The following ATP5F1C variants were observed in gnomAD, a reference collection of about 807,000 sequenced individuals.
The protein encoded by ATP5F1C is ATP synthase F(1) complex subunit gamma, mitochondrial.
ATP5F1C carries 22 observed loss-of-function variants against 37.4 expected under a neutral mutation model. The observed-to-expected ratio is 0.59, with a 90% confidence interval of 0.42 to 0.84. ATP5F1C has a LOEUF of 0.84. Ranked by LOEUF, ATP5F1C falls within the 40% of genes least tolerant of loss-of-function variation. The pLI is 0.00. For missense variants in ATP5F1C, 286 were observed against 362.4 expected (o/e 0.79, Z 1.71); for synonymous variants, 121 against 128.0 (o/e 0.95, Z 0.37).
Position 7,807,757 on chromosome 10 carries a change from C to A in ATP5F1C, c.*129C>A. 1.5e-6 allele frequency: 2 copies of A among 1,327,238 alleles called. No individual in the cohort carries two copies. Among genetic ancestry groups the A allele is most frequent in the Non-Finnish European group, 1.0e-6 (1 of 962,038 alleles). 82.2% of individuals were successfully genotyped at this position (1,327,238 alleles called of 1,614,324 possible). A position where few individuals can be genotyped will look rare whatever the true frequency, so the allele number is the denominator to read the frequency against. On this transcript the variant is annotated 3_prime_UTR_variant, in exon 10 of 10. Transcript: ENST00000356708. ...CCATTATTTGAATTACTGAAGACAGCAAGATATTTGTAAATTATCTTAAAA... is the reference window on the plus strand; with the variant it reads ...CCATTATTTGAATTACTGAAGACAGAAAGATATTTGTAAATTATCTTAAAA...
rs1165401878 is a variant in ATP5F1C at position 7,797,147 on chromosome 10, A to T, written c.192A>T (p.Lys64Asn). 2 of 1,614,152 alleles carry T rather than the reference A, an allele frequency of 1.2e-6. No individual in the cohort carries two copies. The highest frequency in any genetic ancestry group is 2.2e-5 in the South Asian group (2 of 91,080). The change falls in exon 3 of 10, where the codon AAA (lysine) becomes AAT (asparagine). Residue 64 changes from lysine to asparagine, a missense_variant. Lys to Asn is a moderately conservative substitution (Grantham distance 94). Coordinates refer to ENST00000356708, the MANE Select transcript of ATP5F1C (RefSeq NM_001001973.3). ...ATGCCCGAGCTGAGAGAGAGCTGAA[A>T]CCAGCTCGAATATATGGATTGGGAT... ...AKYARAEREL[K>N]PARIYGLGSL...
intron 4 of ATP5F1C, 94 bp downstream of exon 4, chr10:7,799,288 A>C (rs1836305172): frequency 8.5e-7 from 1 of 1,178,040 alleles, no homozygotes; most frequent in Admixed American, 2.0e-5. Flanking sequence ...ACCTTCATCA[A>C]TAACAAGGTA....
Position 7,802,785 on chromosome 10 carries a change from C to T in ATP5F1C, c.821C>T (p.Thr274Ile). The T allele has an allele frequency of 6.2e-7, 1 of 1,613,902 alleles. No homozygotes were observed. The highest frequency in any genetic ancestry group is 8.5e-7 in the Non-Finnish European group (1 of 1,179,942). The stretch of plus-strand genomic sequence containing the variant: ...GAGATGATTGACAAATTGACATTGA[C>T]ATTCAACCGTACCCGCCAAGCTGTC... The part of the protein sequence containing the change: ...ASEMIDKLTL[T>I]FNRTRQAVIT... Residue 274 changes from threonine to isoleucine, a missense_variant, in exon 8 of 10, where the codon ACA (threonine) becomes ATA (isoleucine). Coordinates refer to ENST00000356708, the MANE Select transcript of ATP5F1C (RefSeq NM_001001973.3).
rs189875820 is a variant in ATP5F1C, at chr10:7,795,897, T to C, written c.57-224T>C. ...AGCATGTTGACTTCTGGGAAGGTGG[T>C]GGTACAGACAGGCCAAATAAAAGGA... On this transcript the variant is annotated intron_variant, in intron 1 of 9. Transcript: ENST00000356708. Among the ~76,000 whole-genome samples, 596 of 152,272 alleles carry C rather than the reference T, an allele frequency of 3.9e-3. 8 individuals carry two copies. Among genetic ancestry groups the C allele is most frequent in the African/African-American group, 0.014 (577 of 41,564 alleles).
intron 1 of ATP5F1C, among the ~76,000 whole-genome samples, chr10:7,795,856 A>G (rs1836229042): frequency 1.3e-5 from 2 of 152,290 alleles, no homozygotes; most frequent in South Asian, 2.1e-4. Flanking sequence ...GGACTAGAGC[A>G]TGTGTGAGTC....
chr10:7,789,929 C>A (rs1219393359), intron 1 of ATP5F1C, among the ~76,000 whole-genome samples: 1 of 152,186 alleles, frequency 6.6e-6, no homozygotes. Flanking sequence ...TAAATCGGAA[C>A]CACAATCAGC....
chr10:7,794,612 G>A (rs1836210514), intron 1 of ATP5F1C, among the ~76,000 whole-genome samples: 1 of 151,486 alleles, frequency 6.6e-6, no homozygotes, highest in South Asian at 2.1e-4. Flanking sequence ...CCTATTGATT[G>A]TATGATTTTT....
At chr10:7,800,233 C>T in intron 6 of ATP5F1C, 142 bp downstream of exon 6, 1 of 890,984 alleles carries the variant, frequency 1.1e-6, no homozygotes, top group East Asian at 2.6e-5. Context: ...AATCTTGCTG[C>T]CTCCCAGGCT....
At chr10:7,802,707 A>T in intron 7 of ATP5F1C, 51 bp from the exon 8 acceptor site, 1 of 1,554,602 alleles carries the variant, frequency 6.4e-7, no homozygotes, top group Non-Finnish European at 8.8e-7. Flanking sequence ...TTAACAAGTT[A>T]TTCTACTCTA....
intron 9 of ATP5F1C, among the ~76,000 whole-genome samples, chr10:7,807,249 A>T (rs1049625265): frequency 2.6e-5 from 4 of 152,168 alleles, no homozygotes; most frequent in African/African-American, 9.7e-5. Context: ...GAGAATTAAC[A>T]TTATTTTGAG....
chr10:7,797,332 TAAC>T (rs1460452423), intron 3 of ATP5F1C, among the ~76,000 whole-genome samples, 154 bp downstream of exon 3: 1 of 152,226 alleles, frequency 6.6e-6, no homozygotes, highest in Non-Finnish European at 1.5e-5. Flanking sequence ...CACGTAATGA[TAAC>T]AACCCGTGTA....
At chr10:7,802,889 T>C (rs1278650219) in intron 8 of ATP5F1C, 35 bp downstream of exon 8, 1 of 1,580,912 alleles carries the variant, frequency 6.3e-7, no homozygotes, top group Non-Finnish European at 8.6e-7. Context: ...TCAGAGAATT[T>C]TTTTTCCTCT....
intron 8 of ATP5F1C, chr10:7,804,104 A>G: frequency 1.9e-6 from 1 of 519,046 alleles, no homozygotes; most frequent in Non-Finnish European, 3.8e-6. Context: ...AGAGGTTGCT[A>G]AACTGTGGCC....
At chr10:7,789,938 G>A (rs1483462999) in intron 1 of ATP5F1C, among the ~76,000 whole-genome samples, 3 of 152,200 alleles carry the variant, frequency 2.0e-5, no homozygotes, top group Non-Finnish European at 4.4e-5. Flanking sequence ...ACCACAATCA[G>A]CATATAAAGG....
In ATP5F1C at chr10:7,788,217, C is replaced by A; in HGVS notation, c.10C>A (p.Arg4Ser). ...CAGGGCTGTGGCTACCATGTTCTCT[C>A]GCGCGGGTGTCGCTGGGCTGTCGGC... MFS[R>S]AGVAGLSAWT... The change falls in exon 1 of 10, where the codon CGC becomes AGC. Residue 4 changes from arginine (R) to serine (S), a missense_variant. Transcript: ENST00000356708. 6.2e-7 allele frequency: 1 copy of A among 1,613,532 alleles called. No homozygotes were observed. The highest frequency in any genetic ancestry group is 8.5e-7 in the Non-Finnish European group (1 of 1,179,928).
At chr10:7,805,435 C>A (rs1341133509) in intron 8 of ATP5F1C, among the ~76,000 whole-genome samples, 2 of 152,078 alleles carry the variant, frequency 1.3e-5, no homozygotes, top group South Asian at 4.2e-4. Context: ...TGAGGACCAG[C>A]CTATTTCTTC....
Position 7,807,649 on chromosome 10 carries a change from T to A in ATP5F1C, c.*31-10T>A, listed in dbSNP as rs763317117. On this transcript the variant is annotated splice_polypyrimidine_tract_variant and intron_variant, in intron 9 of 9. Transcript: ENST00000356708. ...TTGATTTCTTACTTGTTCTGTACTT[T>A]GTTTTTCAGGTAAAGAAGGAAAATT... The A allele has an allele frequency of 6.2e-6, 10 of 1,607,888 alleles. No individual in the cohort carries two copies. The highest frequency in any genetic ancestry group is 8.5e-6 in the Non-Finnish European group (10 of 1,176,920).
At position 7,799,150 on chromosome 10, in the gene ATP5F1C, T is replaced by C; in HGVS notation, c.384T>C (p.Val128=). The change falls in exon 4 of 10, where the codon GTT becomes GTC. Residue 128 remains valine (V), a synonymous_variant. Transcript: ENST00000356708. ...VATLTAAGKE[V]MLVGIGDKIR... Reference sequence around the variant, plus strand: ...CACTAACAGCAGCTGGGAAAGAAGTTATGCTTGTTGGAATTGGTGACAAAA... The same window carrying C: ...CACTAACAGCAGCTGGGAAAGAAGTCATGCTTGTTGGAATTGGTGACAAAA... 6.2e-7 allele frequency: 1 copy of C among 1,614,024 alleles called. No homozygotes were observed.
At chr10:7,806,082 C>A (rs951342747) in intron 8 of ATP5F1C, among the ~76,000 whole-genome samples, 4 of 152,182 alleles carry the variant, frequency 2.6e-5, no homozygotes, top group African/African-American at 7.2e-5. Flanking sequence ...AAGGAATCCA[C>A]ATAATTGGAA....
Sources: allele counts gnomAD v4.1 joint callset (sites outside exome capture counted in the v4.1 genomes callset), GRCh38; gene constraint gnomAD v4.1.1; transcripts MANE v1.5; gene names NCBI Gene and HGNC (gene_info 2026-07-23, HGNC 2026-07-21).